KLHL7: variants seen among roughly 807,000 people sequenced by gnomAD.
KLHL7 encodes kelch-like protein 7.
In KLHL7, 44 loss-of-function variants were observed where a neutral mutation model predicts 67.4. The observed-to-expected ratio is 0.65, with a 90% CI of 0.51 to 0.84. The LOEUF is 0.84. KLHL7 is among the 40% of genes least tolerant of loss of function. The pLI is 0.00. For synonymous variants in KLHL7, 252 were observed against 243.3 expected, an observed-to-expected ratio of 1.04 and a Z score of -0.33; for missense variants, 362 against 718.1, an observed-to-expected ratio of 0.50 and a Z score of 5.67.
chr7:23,144,345 A>G (rs1335024320), intron 6 of KLHL7, among the ~76,000 whole-genome samples: 4 of 151,984 alleles, frequency 2.6e-5, no homozygotes, highest in African/African-American at 9.7e-5. Context: ...CTGTGATCAC[A>G]TTTTCTTTCT....
At chr7:23,149,800 C>T (rs952686919) in intron 6 of KLHL7, among the ~76,000 whole-genome samples, 3 of 152,204 alleles carry the variant, frequency 2.0e-5, no homozygotes, top group Admixed American at 6.5e-5. Flanking sequence ...CTAGAGCTTG[C>T]GTCAGCATGC....
rs1784274948 is a variant in KLHL7 at position 23,144,015 on chromosome 7, G to A, written c.783G>A (p.Lys261=). The A allele has an allele frequency of 6.2e-7, 1 of 1,613,304 alleles. No individual in the cohort carries two copies. Among genetic ancestry groups the A allele is most frequent in the South Asian group, 1.1e-5 (1 of 91,076 alleles). The stretch of plus-strand genomic sequence containing the variant: ...TTCAAGACAATCCTGAATGCCTTAA[G>A]ATGGTGATAAGTAAGTTGCCTTAAT... The part of the protein sequence containing the change: ...PLIQDNPECL[K]MVISGMRYHL... Residue 261 remains lysine, a synonymous_variant, in exon 6 of 11, where the codon AAG becomes AAA. Coordinates refer to ENST00000339077, the MANE Select transcript of KLHL7 (RefSeq NM_001031710.3).
At chr7:23,158,753 A>G (rs1168201974) in intron 7 of KLHL7, among the ~76,000 whole-genome samples, 2 of 152,182 alleles carry the variant, frequency 1.3e-5, no homozygotes, top group Non-Finnish European at 2.9e-5. Flanking sequence ...TGTACACATA[A>G]GCACACAGCA....
chr7:23,157,018 G>T (rs954259767), intron 7 of KLHL7, among the ~76,000 whole-genome samples: 1 of 152,076 alleles, frequency 6.6e-6, no homozygotes, highest in Non-Finnish European at 1.5e-5. Context: ...TATCATAGCC[G>T]CCTTCCCTCT....
chr7:23,115,945 C>G (rs986760750), intron 1 of KLHL7, among the ~76,000 whole-genome samples: 58 of 152,148 alleles, frequency 3.8e-4, no homozygotes, highest in Non-Finnish European at 7.9e-4. Context: ...ATTATCCATC[C>G]TGCACATTTA....
At chr7:23,146,690 T>C (rs1784368806) in intron 6 of KLHL7, among the ~76,000 whole-genome samples, 1 of 151,772 alleles carries the variant, frequency 6.6e-6, no homozygotes, top group South Asian at 2.1e-4. Context: ...TTTAAGGCTA[T>C]ATCTTACTGA....
Position 23,113,781 on chromosome 7 carries a change from G to A in KLHL7, c.120+7635G>A, listed in dbSNP as rs369146882. On this transcript the variant is annotated intron_variant, in intron 1 of 10. Coordinates refer to ENST00000339077, the MANE Select transcript of KLHL7 (RefSeq NM_001031710.3). Reference sequence around the variant, plus strand: ...GCGGAAGTTGTTGTGAGCCGAGATCGTGCCATTGCACTCCAGCCTGGGCAA... The same window carrying A: ...GCGGAAGTTGTTGTGAGCCGAGATCATGCCATTGCACTCCAGCCTGGGCAA... Among the ~76,000 whole-genome samples, 25 of 152,274 alleles carry A rather than the reference G, an allele frequency of 1.6e-4. No individual in the cohort carries two copies. In the South Asian group the frequency reaches 2.1e-3, roughly 13 times the overall value.
intron 1 of KLHL7, among the ~76,000 whole-genome samples, chr7:23,115,924 C>T (rs1038938378): frequency 6.6e-6 from 1 of 152,124 alleles, no homozygotes; most frequent in African/African-American, 2.4e-5. Context: ...TAGAGTTTCC[C>T]TTTTTTCCCT....
At chr7:23,151,993 G>T (rs911462103) in intron 6 of KLHL7, 74 bp from the exon 7 acceptor site, 1 of 1,403,206 alleles carries the variant, frequency 7.1e-7, no homozygotes, top group African/African-American at 1.4e-5. Flanking sequence ...GCCCTATTAT[G>T]TCTGGGTATT....
rs543716685 is a variant in KLHL7, at chr7:23,141,100, G to C, written c.618+156G>C. Among the ~76,000 whole-genome samples the C allele has an allele frequency of 3.3e-5, 5 of 152,296 alleles. No individual in the cohort carries two copies. In the South Asian group the frequency reaches 1.0e-3, roughly 32 times the overall value. On this transcript the variant is annotated intron_variant, in intron 5 of 10. Coordinates refer to ENST00000339077, the MANE Select transcript of KLHL7 (RefSeq NM_001031710.3). Reference sequence around the variant, plus strand: ...TATTGTAATCTTAGGTGCTTGCCAGGCTGGCTCTTTGAGAAATAGGCCACT... The same window carrying C: ...TATTGTAATCTTAGGTGCTTGCCAGCCTGGCTCTTTGAGAAATAGGCCACT...
At chr7:23,159,612 G>A (rs1784804445) in intron 7 of KLHL7, among the ~76,000 whole-genome samples, 1 of 152,108 alleles carries the variant, frequency 6.6e-6, no homozygotes, top group South Asian at 2.1e-4. Flanking sequence ...GTTCACTGCA[G>A]CCTCAACCTC....
rs201757686 is a variant in KLHL7, at chr7:23,128,422, TAA to T, written c.442+3278_442+3279del. Among the ~76,000 whole-genome samples, 233 of 116,770 alleles carry T rather than the reference TAA, an allele frequency of 2.0e-3. 1 individual carries two copies. The highest frequency in any genetic ancestry group is 6.4e-3 in the African/African-American group (219 of 33,986). The allele number at this position is 116,770 out of a possible 152,430, so 76.6% of individuals were successfully genotyped here. A position where few individuals can be genotyped will look rare whatever the true frequency, so the allele number is the denominator to read the frequency against. On this transcript the variant is annotated intron_variant, in intron 4 of 10. Transcript: ENST00000339077. ...AATAAGACTACGACTTCTTTGGGTTTAAAAAAAAAAAAAAAAAAAAAAAAAAA... is the reference window on the plus strand; with the variant it reads ...AATAAGACTACGACTTCTTTGGGTTTAAAAAAAAAAAAAAAAAAAAAAAAA...
At chr7:23,119,227 C>T (rs1282723864) in intron 1 of KLHL7, among the ~76,000 whole-genome samples, 1 of 151,572 alleles carries the variant, frequency 6.6e-6, no homozygotes, top group African/African-American at 2.4e-5. Flanking sequence ...TTTTTTGAGA[C>T]AGAATCTCGC....
At chr7:23,156,399 G>T (rs4722227) in intron 7 of KLHL7, among the ~76,000 whole-genome samples, 1 of 152,282 alleles carries the variant, frequency 6.6e-6, no homozygotes, top group Admixed American at 6.5e-5. Flanking sequence ...GTGCTTAGTG[G>T]TTTCTAAAAG....
intron 4 of KLHL7, among the ~76,000 whole-genome samples, chr7:23,135,104 T>G (rs994390912): frequency 3.9e-5 from 6 of 152,224 alleles, no homozygotes; most frequent in Non-Finnish European, 7.3e-5. Context: ...GCTTTTGTTG[T>G]GTCCCATAGG....
At chr7:23,129,151 C>T (rs1314247923) in intron 4 of KLHL7, 1 of 165,908 alleles carries the variant, frequency 6.0e-6, no homozygotes, top group East Asian at 1.9e-4. Flanking sequence ...ACAGTTGGCA[C>T]AGCCTGGGCC....
chr7:23,148,429 T>C (rs946041873), intron 6 of KLHL7, among the ~76,000 whole-genome samples: 5 of 148,934 alleles, frequency 3.4e-5, no homozygotes, highest in Admixed American at 2.0e-4. Flanking sequence ...CCAAAGCTAC[T>C]TGAACCAAAG....
At chr7:23,115,338 G>A (rs1211862455) in intron 1 of KLHL7, among the ~76,000 whole-genome samples, 1 of 152,070 alleles carries the variant, frequency 6.6e-6, no homozygotes, top group South Asian at 2.1e-4. Flanking sequence ...TGGTTTCTGG[G>A]GAACAGAGGG....
intron 1 of KLHL7, among the ~76,000 whole-genome samples, chr7:23,110,027 A>G (rs991255014): frequency 6.6e-6 from 1 of 152,148 alleles, no homozygotes; most frequent in Non-Finnish European, 1.5e-5. Context: ...TTCTTTGTGC[A>G]AGGCTCCAAG....
Sources: allele counts gnomAD v4.1 joint callset (sites outside exome capture counted in the v4.1 genomes callset), GRCh38; gene constraint gnomAD v4.1.1; transcripts MANE v1.5; gene names NCBI Gene and HGNC (gene_info 2026-07-23, HGNC 2026-07-21).